Variants in FAM53A observed in about 807,000 individuals in gnomAD.
FAM53A encodes protein FAM53A.
A neutral mutation model predicts 26.6 loss-of-function variants in FAM53A; 28 were observed. That is an observed-to-expected ratio of 1.05 (90% CI 0.78 to 1.45). FAM53A has a LOEUF of 1.45. Among genes scored for constraint, FAM53A ranks in the 40% most tolerant of loss-of-function variants. The probability of loss-of-function intolerance (pLI) is 0.00; values close to 1 mark genes in which losing one functional copy is unlikely to be tolerated. For missense variants in FAM53A, 650 were observed against 575.8 expected, an observed-to-expected ratio of 1.13 and a Z score of -1.32; for synonymous variants, 290 against 253.1, an observed-to-expected ratio of 1.15 and a Z score of -1.38.
At chr4:1,611,741 C>T in the FAM53A span, among the ~76,000 whole-genome samples, 2 of 152,220 alleles carry the variant, frequency 1.3e-5, no homozygotes, top group Non-Finnish European at 2.9e-5. Flanking sequence ...GGCCCCCCAC[C>T]CTGGCCATGC....
At position 1,678,424 on chromosome 4, in the gene FAM53A, G is replaced by A. The variant is rs1249954206; in HGVS notation, c.-165+5809C>T. Among the ~76,000 whole-genome samples the A allele has an allele frequency of 2.6e-5, 4 of 152,162 alleles. No homozygotes were observed. The East Asian group carries it at 7.7e-4, about 29-fold the overall frequency. Reference sequence around the variant, plus strand: ...AGGCAGAACAGAGAGCCCAGATATAGAACCACACAGTCACTGATCTTTGAC... The same window carrying A: ...AGGCAGAACAGAGAGCCCAGATATAAAACCACACAGTCACTGATCTTTGAC... On this transcript the variant is annotated intron_variant, in intron 1 of 4. Coordinates refer to ENST00000308132, the MANE Select transcript of FAM53A (RefSeq NM_001174070.3).
At chr4:1,579,565 G>A in the FAM53A span, among the ~76,000 whole-genome samples, 2 of 152,216 alleles carry the variant, frequency 1.3e-5, no homozygotes, top group Non-Finnish European at 2.9e-5. Context: ...CAGCCTCTGT[G>A]TGACCAGGGC....
chr4:1,655,836 G>A (rs543143603), intron 3 of FAM53A, 113 bp from the exon 4 acceptor site: 278 of 1,266,342 alleles, frequency 2.2e-4, no homozygotes, highest in Non-Finnish European at 2.7e-4. Context: ...CCCCATCGCC[G>A]CCACCCCTGG....
intron 4 of FAM53A, among the ~76,000 whole-genome samples, chr4:1,651,753 G>A (rs766621169): frequency 6.5e-4 from 98 of 151,518 alleles, no homozygotes; most frequent in Non-Finnish European, 1.1e-3. Context: ...GCTGGGGACA[G>A]GGACACACAG....
chr4:1,644,179 C>T (rs993478557), intron 4 of FAM53A: 33 of 1,535,122 alleles, frequency 2.1e-5, no homozygotes, highest in African/African-American at 2.7e-5. Flanking sequence ...GTGGCGGGGA[C>T]GCTACGCACC....
At chr4:1,600,480 A>G in the FAM53A span, among the ~76,000 whole-genome samples, 1 of 152,086 alleles carries the variant, frequency 6.6e-6, no homozygotes, top group Non-Finnish European at 1.5e-5. Flanking sequence ...GGGCTGCACC[A>G]GGAGGCCACC....
chr4:1,654,441 C>T (rs891530899), intron 4 of FAM53A, among the ~76,000 whole-genome samples: 1 of 152,254 alleles, frequency 6.6e-6, no homozygotes, highest in South Asian at 2.1e-4. Context: ...TGGGTGAAGG[C>T]TCTCTCCTAC....
downstream of FAM53A, among the ~76,000 whole-genome samples, chr4:1,615,223 T>G: frequency 1.0e-5 from 1 of 96,456 alleles, no homozygotes; most frequent in East Asian, 3.5e-4. Context: ...GATGCGGCCA[T>G]GCCCATCCCG....
At chr4:1,596,987 C>T in the FAM53A span, among the ~76,000 whole-genome samples, 14 of 152,160 alleles carry the variant, frequency 9.2e-5, no homozygotes, top group African/African-American at 3.4e-4. Context: ...TCCTCGGGGC[C>T]TCCCTCCAGC....
chr4:1,611,861 C>A, the FAM53A span, among the ~76,000 whole-genome samples: 3 of 152,216 alleles, frequency 2.0e-5, no homozygotes, highest in Non-Finnish European at 4.4e-5. Flanking sequence ...GCTGTCCGGC[C>A]GAGCAGCTAC....
At chr4:1,595,435 G>A in the FAM53A span, among the ~76,000 whole-genome samples, 2 of 152,238 alleles carry the variant, frequency 1.3e-5, no homozygotes, top group Admixed American at 1.3e-4. Context: ...GTCCACCACA[G>A]GCCGGGGACA....
At chr4:1,648,348 G>A (rs1012707017) in intron 4 of FAM53A, among the ~76,000 whole-genome samples, 1 of 152,228 alleles carries the variant, frequency 6.6e-6, no homozygotes, top group Non-Finnish European at 1.5e-5. Flanking sequence ...GGCTGACAGG[G>A]AGAGGGGCAC....
chr4:1,644,778 G>A (rs115123480), intron 4 of FAM53A: 2,071 of 156,884 alleles, frequency 0.013, 56 homozygotes, highest in African/African-American at 0.046. Flanking sequence ...ACGGACCCCA[G>A]CTGACAGCTG....
At chr4:1,595,458 C>T in the FAM53A span, among the ~76,000 whole-genome samples, 2 of 152,222 alleles carry the variant, frequency 1.3e-5, no homozygotes, top group Non-Finnish European at 2.9e-5. Context: ...AGGGCTGCCC[C>T]ACCCCTAGGC....
Position 1,641,278 on chromosome 4 carries a change from C to T in FAM53A, c.*15G>A. ...TGCAGGCGGCAGCCATGGCCCCGAC[C>T]AGCCCCCACCAGCCTCAGTTGTTCT... On this transcript the variant is annotated 3_prime_UTR_variant, in exon 5 of 5. Coordinates refer to ENST00000308132, the MANE Select transcript of FAM53A (RefSeq NM_001174070.3). The T allele has an allele frequency of 6.2e-7, 1 of 1,612,530 alleles. No homozygotes were observed. Among genetic ancestry groups the T allele is most frequent in the Non-Finnish European group, 8.5e-7 (1 of 1,179,756 alleles).
chr4:1,645,655 T>C (rs1276416621), intron 4 of FAM53A, among the ~76,000 whole-genome samples: 1 of 152,200 alleles, frequency 6.6e-6, no homozygotes, highest in Non-Finnish European at 1.5e-5. Context: ...CCAGTGCCCA[T>C]CAGGAGGTAT....
At chr4:1,622,499 T>C (rs1041050055) in intron 1 of FAM53A, among the ~76,000 whole-genome samples, 1 of 152,194 alleles carries the variant, frequency 6.6e-6, no homozygotes, top group Non-Finnish European at 1.5e-5. Flanking sequence ...GCACTGCCGC[T>C]GAGGGGCCGC....
chr4:1,650,574 G>A (rs1320175276), intron 4 of FAM53A, among the ~76,000 whole-genome samples: 7 of 152,016 alleles, frequency 4.6e-5, no homozygotes, highest in East Asian at 1.9e-4. Flanking sequence ...TCAGTTCACC[G>A]CAACCTCCGC....
rs565453238 is a variant in FAM53A, at chr4:1,681,190, G to A, written c.-165+3043C>T. On this transcript the variant is annotated intron_variant, in intron 1 of 4. Coordinates refer to ENST00000308132, the MANE Select transcript of FAM53A (RefSeq NM_001174070.3). ...CAGCTCACTGCAACCTCAGCCTCCC[G>A]AGTTCAAGTGATTCTCCCACGTCAG... Among the ~76,000 whole-genome samples the A allele has an allele frequency of 9.9e-5, 15 of 152,112 alleles. No individual in the cohort carries two copies. In the South Asian group the frequency reaches 1.9e-3, roughly 19 times the overall value.
Sources: allele counts gnomAD v4.1 joint callset (sites outside exome capture counted in the v4.1 genomes callset), GRCh38; gene constraint gnomAD v4.1.1; transcripts MANE v1.5; gene names NCBI Gene and HGNC (gene_info 2026-07-23, HGNC 2026-07-21).